The following HTR2A variants were observed in gnomAD, a reference collection of about 807,000 sequenced individuals.
The protein encoded by HTR2A is 5-HT2 receptor.
Under a neutral mutation model 31.0 loss-of-function variants are expected in HTR2A, and 14 were observed. The ratio of observed to expected loss-of-function variants is 0.45; its 90% confidence interval spans 0.30 to 0.71. The LOEUF (loss-of-function observed/expected upper bound fraction) is 0.71. HTR2A is among the 30% of genes least tolerant of loss of function. HTR2A has a pLI of 0.09. For synonymous variants in HTR2A, 209 were observed against 225.2 expected, an observed-to-expected ratio of 0.93 and a Z score of 0.64; for missense variants, 442 against 573.3, an observed-to-expected ratio of 0.77 and a Z score of 2.34.
chr13:46,892,013 C>A (rs909713210), intron 3 of HTR2A, among the ~76,000 whole-genome samples: 9 of 152,194 alleles, frequency 5.9e-5, no homozygotes, highest in Non-Finnish European at 1.0e-4. Flanking sequence ...TGTTCTCTAG[C>A]AAAGTGGTCT....
intron 3 of HTR2A, among the ~76,000 whole-genome samples, chr13:46,877,144 TG>T (rs1460500233): frequency 3.3e-5 from 5 of 152,214 alleles, no homozygotes; most frequent in African/African-American, 1.2e-4. Context: ...GAAGCTATAC[TG>T]TACCCTTTCT....
chr13:46,897,923 C>T (rs1951115936), upstream of HTR2A, among the ~76,000 whole-genome samples: 1 of 152,220 alleles, frequency 6.6e-6, no homozygotes, highest in African/African-American at 2.4e-5. Flanking sequence ...TCCGCATCCC[C>T]CTGCCCGGCT....
At chr13:46,851,310 C>T (rs1289008314) in intron 3 of HTR2A, among the ~76,000 whole-genome samples, 1 of 152,068 alleles carries the variant, frequency 6.6e-6, no homozygotes, top group African/African-American at 2.4e-5. Flanking sequence ...AAAATCTAAT[C>T]AGCCAAATAG....
At chr13:46,879,624 G>T (rs1339889678) in intron 3 of HTR2A, among the ~76,000 whole-genome samples, 1 of 152,206 alleles carries the variant, frequency 6.6e-6, no homozygotes, top group Non-Finnish European at 1.5e-5. Context: ...GTGCATGATG[G>T]TCTTTTCTTG....
At chr13:46,845,662 A>G (rs1042436012) in intron 3 of HTR2A, among the ~76,000 whole-genome samples, 4 of 147,692 alleles carry the variant, frequency 2.7e-5, no homozygotes, top group African/African-American at 5.0e-5. Context: ...AAAAAAAAAG[A>G]AAAAAAGACT....
chr13:46,846,277 ATAAAG>A (rs758445518), intron 3 of HTR2A, among the ~76,000 whole-genome samples: 1 of 152,068 alleles, frequency 6.6e-6, no homozygotes, highest in Non-Finnish European at 1.5e-5. Context: ...TATAGTAAAT[ATAAAG>A]TAAATACTAT....
intron 3 of HTR2A, among the ~76,000 whole-genome samples, chr13:46,840,691 T>C (rs991573062): frequency 1.1e-4 from 16 of 152,188 alleles, no homozygotes; most frequent in African/African-American, 3.9e-4. Flanking sequence ...TATTTGTTCC[T>C]TTGAAGGTAG....
rs1876294086 is a variant in HTR2A at position 46,832,794 on chromosome 13, CT to C, written c.*2042del. Reference sequence around the variant, plus strand: ...ATTACACAATGACACTTCCCACATTCTTTAGTTTTCAAATCTGTATTTTTTT... The same window carrying C: ...ATTACACAATGACACTTCCCACATTCTTAGTTTTCAAATCTGTATTTTTTT... On this transcript the variant is annotated 3_prime_UTR_variant, in exon 4 of 4. Coordinates refer to ENST00000542664, the MANE Select transcript of HTR2A (RefSeq NM_000621.5). 6 of 152,234 alleles carry C rather than the reference CT, an allele frequency of 3.9e-5. No homozygotes were observed. In the South Asian group the frequency reaches 1.2e-3, roughly 32 times the overall value. The allele number at this position is 152,234 out of a possible 1,614,324, so 9.4% of individuals were successfully genotyped here.
chr13:46,883,964 C>G (rs1453920702), intron 3 of HTR2A, among the ~76,000 whole-genome samples: 1 of 152,202 alleles, frequency 6.6e-6, no homozygotes, highest in African/African-American at 2.4e-5. Flanking sequence ...AAGGGGAAAG[C>G]AGCAGTACAT....
intron 3 of HTR2A, among the ~76,000 whole-genome samples, chr13:46,891,081 T>C (rs889751951): frequency 5.3e-5 from 8 of 152,354 alleles, no homozygotes; most frequent in African/African-American, 1.7e-4. Context: ...GCTGGAAGTT[T>C]AGAGTCCTAG....
chr13:46,871,805 G>T (rs1260619650), intron 3 of HTR2A, among the ~76,000 whole-genome samples: 1 of 152,144 alleles, frequency 6.6e-6, no homozygotes, highest in Non-Finnish European at 1.5e-5. Context: ...CAGAACAAAA[G>T]CATCTTTGTT....
At chr13:46,894,316 C>A (rs1171169800) in intron 2 of HTR2A, among the ~76,000 whole-genome samples, 1 of 152,184 alleles carries the variant, frequency 6.6e-6, no homozygotes, top group Non-Finnish European at 1.5e-5. Flanking sequence ...GGGTCCCGCT[C>A]TGTCACTCCT....
At chr13:46,855,604 T>G (rs1593431960) in intron 3 of HTR2A, among the ~76,000 whole-genome samples, 1 of 151,906 alleles carries the variant, frequency 6.6e-6, no homozygotes, top group East Asian at 1.9e-4. Context: ...ACATGTAAAC[T>G]GGAGACAGAA....
At chr13:46,863,630 G>GAAAAAAAAAAA (rs59693757) in intron 3 of HTR2A, among the ~76,000 whole-genome samples, 3,507 of 59,030 alleles carry the variant, frequency 0.059, 1 homozygote, top group East Asian at 0.071. Context: ...CCCTCAAAAT[G>GAAAAAAAAAAA]AAAAAAAAAA....
intron 3 of HTR2A, among the ~76,000 whole-genome samples, chr13:46,837,654 AG>A (rs1264538742): frequency 2.0e-5 from 3 of 152,162 alleles, no homozygotes; most frequent in Non-Finnish European, 4.4e-5. Context: ...ATCTGGAAAA[AG>A]GTTTTTGGAG....
Position 46,895,746 on chromosome 13 carries a change from T to A in HTR2A, c.161A>T (p.Asn54Ile). The stretch of plus-strand genomic sequence containing the variant: ...TGAGAGGCACCCTTCACAGGAAAGG[T>A]TGGTTCGATTTTCAGAGTCGACTGT... ...NWTVDSENRT[N>I]LSCEGCLSPS... The change falls in exon 2 of 4, where the codon AAC becomes ATC. Residue 54 changes from asparagine to isoleucine, a missense_variant. Asn to Ile is a moderately radical substitution (Grantham distance 149). Transcript: ENST00000542664. The surrounding 1 kb of genome is among the most constrained non-coding windows in gnomAD (Gnocchi z 4.4). 6.2e-7 allele frequency: 1 copy of A among 1,614,008 alleles called. No homozygotes were observed.
chr13:46,869,710 T>A (rs545830048), intron 3 of HTR2A, among the ~76,000 whole-genome samples: 82 of 152,184 alleles, frequency 5.4e-4, no homozygotes, highest in Non-Finnish European at 9.7e-4. Flanking sequence ...CATATATATA[T>A]AATGAAATAT....
chr13:46,893,793 A>G (rs1460702132), intron 2 of HTR2A, among the ~76,000 whole-genome samples: 2 of 152,210 alleles, frequency 1.3e-5, no homozygotes, highest in Non-Finnish European at 1.5e-5. Context: ...ATCTGCCTGC[A>G]TGTAAGAAGG....
In HTR2A at chr13:46,841,566, C is replaced by T. The variant is rs79375865; in HGVS notation, c.614-5927G>A. 9.5e-3 allele frequency among the ~76,000 whole-genome samples: 1,440 copies of T among 152,090 alleles called. 12 individuals are homozygous for T. Among genetic ancestry groups the T allele is most frequent in the Middle Eastern group, 0.024 (7 of 294 alleles). On this transcript the variant is annotated intron_variant, in intron 3 of 3. Coordinates refer to ENST00000542664, the MANE Select transcript of HTR2A (RefSeq NM_000621.5). ...TAGTACTTTAAAAAATATAAATGCC[C>T]AGGCACTACATAAACATGAAAACAA...
Sources: allele counts gnomAD v4.1 joint callset (sites outside exome capture counted in the v4.1 genomes callset), GRCh38; gene constraint gnomAD v4.1.1; non-coding constraint Gnocchi (gnomAD v3.1); transcripts MANE v1.5; gene names NCBI Gene and HGNC (gene_info 2026-07-23, HGNC 2026-07-21).